ENTPD3: variants seen among roughly 807,000 people sequenced by gnomAD.
The protein encoded by ENTPD3 is CD39 antigen-like 3.
In ENTPD3, 60 loss-of-function variants were observed where a neutral mutation model predicts 51.2. The ratio of observed to expected loss-of-function variants is 1.17; its 90% CI spans 0.95 to 1.45. The LOEUF is 1.45. ENTPD3 is among the 40% of genes most tolerant of loss of function. ENTPD3 has a pLI of 0.00. For synonymous variants in ENTPD3, 221 were observed against 238.4 expected, an observed-to-expected ratio of 0.93 and a Z score of 0.67; for missense variants, 593 against 641.1, an observed-to-expected ratio of 0.93 and a Z score of 0.81.
At chr3:40,402,342 C>T (rs1955382762) in intron 4 of ENTPD3, among the ~76,000 whole-genome samples, 1 of 152,020 alleles carries the variant, frequency 6.6e-6, no homozygotes, top group Non-Finnish European at 1.5e-5. Context: ...TGGCTTCGAA[C>T]TCCTGACCTC....
At chr3:40,419,610 T>A (rs1256230691) in intron 7 of ENTPD3, among the ~76,000 whole-genome samples, 1 of 152,230 alleles carries the variant, frequency 6.6e-6, no homozygotes, top group Non-Finnish European at 1.5e-5. Context: ...TGCTTATTAG[T>A]GACATCAACA....
At chr3:40,419,110 T>A (rs576728494) in intron 7 of ENTPD3, among the ~76,000 whole-genome samples, 2 of 152,282 alleles carry the variant, frequency 1.3e-5, no homozygotes, top group Admixed American at 6.5e-5. Flanking sequence ...CTATTTACTA[T>A]CCCATAATTT....
intron 6 of ENTPD3, 125 bp from the exon 7 acceptor site, chr3:40,415,715 T>C (rs532578694): frequency 4.3e-5 from 29 of 672,624 alleles, no homozygotes; most frequent in Non-Finnish European, 5.9e-5. Context: ...AAGGAAAGAA[T>C]TGGCCTCACA....
rs566738214 is a variant in ENTPD3, at chr3:40,395,220, G to T, written c.168+3070G>T. Among the ~76,000 whole-genome samples, 5 of 152,360 alleles carry T rather than the reference G, an allele frequency of 3.3e-5. No homozygotes were observed. In the South Asian group the frequency reaches 1.0e-3, roughly 32 times the overall value. On this transcript the variant is annotated intron_variant, in intron 3 of 10. Transcript: ENST00000301825. ...TCCTACAAATGTTAGAAATGGGCTG[G>T]TTAAGGCAGTTGCCAGCTGATGGCT...
At chr3:40,387,498 T>C (rs1164492900) in intron 1 of ENTPD3, 5 of 152,524 alleles carry the variant, frequency 3.3e-5, no homozygotes, top group African/African-American at 1.2e-4. Flanking sequence ...TGCTGGGCGC[T>C]TAGATGCCTG....
intron 4 of ENTPD3, among the ~76,000 whole-genome samples, chr3:40,411,306 GAA>G (rs1247870449): frequency 2.7e-5 from 2 of 73,178 alleles, no homozygotes; most frequent in African/African-American, 1.6e-4. Flanking sequence ...AAAAAAAAAA[GAA>G]AAAAAGAAAA....
intron 2 of ENTPD3, chr3:40,391,790 C>A: frequency 1.8e-6 from 1 of 559,922 alleles, no homozygotes; most frequent in South Asian, 2.5e-5. Flanking sequence ...CCCTGCAACA[C>A]TGTTTTAGTA....
intron 9 of ENTPD3, among the ~76,000 whole-genome samples, 157 bp downstream of exon 9, chr3:40,423,558 G>A (rs375521315): frequency 6.4e-4 from 98 of 152,294 alleles, no homozygotes; most frequent in African/African-American, 2.2e-3. Flanking sequence ...CACCTGTGGT[G>A]TGAATTAATG....
In ENTPD3 at chr3:40,400,936, T is replaced by G. The variant is rs779253485; in HGVS notation, c.211T>G (p.Tyr71Asp). 15 of 1,613,680 alleles carry G rather than the reference T, an allele frequency of 9.3e-6. No homozygotes were observed. The highest frequency in any genetic ancestry group is 1.3e-5 in the Non-Finnish European group (15 of 1,180,012). Reference protein sequence around the residue: ...LDAGSSRTTVYVYQWPAEKEN... With the variant: ...LDAGSSRTTVDVYQWPAEKEN... ...TGCCGGGTCTTCAAGAACCACAGTC[T>G]ACGTGTATCAATGGCCAGCAGAAAA... is the stretch of plus-strand genomic sequence containing the variant. The change falls in exon 4 of 11, where the codon TAC (tyrosine) becomes GAC (aspartate). Residue 71 changes from tyrosine (Y) to aspartate (D), a missense_variant. Transcript: ENST00000301825.
At chr3:40,396,352 A>C (rs1165642123) in intron 3 of ENTPD3, among the ~76,000 whole-genome samples, 1 of 151,950 alleles carries the variant, frequency 6.6e-6, no homozygotes, top group Non-Finnish European at 1.5e-5. Flanking sequence ...AATATGAGGG[A>C]TTTTAAATTA....
At chr3:40,401,295 A>T (rs1421314584) in intron 4 of ENTPD3, among the ~76,000 whole-genome samples, 1 of 152,198 alleles carries the variant, frequency 6.6e-6, no homozygotes, top group African/African-American at 2.4e-5. Flanking sequence ...CCATATTTTC[A>T]TGGGTGCTGG....
chr3:40,425,988 T>C (rs1955974364), intron 10 of ENTPD3, among the ~76,000 whole-genome samples: 1 of 151,136 alleles, frequency 6.6e-6, no homozygotes, highest in Non-Finnish European at 1.5e-5. Flanking sequence ...GACTCAAGTA[T>C]AGAAAATATC....
intron 7 of ENTPD3, among the ~76,000 whole-genome samples, chr3:40,417,972 G>A (rs538613159): frequency 3.3e-5 from 5 of 152,196 alleles, no homozygotes; most frequent in Middle Eastern, 3.4e-3. Context: ...CTGTCTGCGT[G>A]CCTCTGTGTG....
At chr3:40,409,184 G>A (rs142616333) in intron 4 of ENTPD3, among the ~76,000 whole-genome samples, 2,514 of 151,990 alleles carry the variant, frequency 0.017, 55 homozygotes, top group African/African-American at 0.048. Flanking sequence ...CCTGGGAGGC[G>A]GAGGCTGTAG....
Position 40,415,907 on chromosome 3 carries a change from G to GTGC in ENTPD3, c.666_668dup (p.Ala223dup). ...ACCACGGGTGCCCTGGACTTAGGTGGTGCCTCCACCCAAATATCCTTCGTG... is the reference window on the plus strand; with the variant it reads ...ACCACGGGTGCCCTGGACTTAGGTGGTGCTGCCTCCACCCAAATATCCTTCGTG... On this transcript the variant is annotated inframe_insertion, in exon 7 of 11. Transcript: ENST00000301825. 1 of 1,614,118 alleles carries GTGC rather than the reference G, an allele frequency of 6.2e-7. No homozygotes were observed. The highest frequency in any genetic ancestry group is 1.1e-5 in the South Asian group (1 of 91,070).
At chr3:40,399,539 T>A (rs1955292665) in intron 3 of ENTPD3, 1 of 152,182 alleles carries the variant, frequency 6.6e-6, no homozygotes, top group African/African-American at 2.4e-5. Flanking sequence ...AACTTCATCA[T>A]CTTCTGTGGG....
intron 4 of ENTPD3, among the ~76,000 whole-genome samples, chr3:40,408,876 T>C (rs2125599968): frequency 6.6e-6 from 1 of 150,950 alleles, no homozygotes; most frequent in African/African-American, 2.4e-5. Flanking sequence ...TATTTAAAAG[T>C]AGAAAAGGAA....
At chr3:40,419,940 C>T (rs1317456148) in intron 7 of ENTPD3, among the ~76,000 whole-genome samples, 1 of 152,102 alleles carries the variant, frequency 6.6e-6, no homozygotes, top group Admixed American at 6.6e-5. Context: ...ATGTTGAATG[C>T]CTGAACTTGG....
rs777581389 is a variant in ENTPD3 at position 40,388,052 on chromosome 3, G to GA, written c.-2dup. 1.2e-5 allele frequency: 20 copies of GA among 1,613,822 alleles called. No individual in the cohort carries two copies. Among genetic ancestry groups the GA allele is most frequent in the African/African-American group, 4.0e-5 (3 of 74,902 alleles). On this transcript the variant is annotated 5_prime_UTR_variant, in exon 2 of 11. Coordinates refer to ENST00000301825, the MANE Select transcript of ENTPD3 (RefSeq NM_001248.4). Reference sequence around the variant, plus strand: ...TGTATTCTCTCACCTGCAGCTAGGAGAAAAGATGTTCACTGTGCTGACCCG... The same window carrying GA: ...TGTATTCTCTCACCTGCAGCTAGGAGAAAAAGATGTTCACTGTGCTGACCCG...
Sources: allele counts gnomAD v4.1 joint callset (sites outside exome capture counted in the v4.1 genomes callset), GRCh38; gene constraint gnomAD v4.1.1; transcripts MANE v1.5; gene names NCBI Gene and HGNC (gene_info 2026-07-23, HGNC 2026-07-21).